The following UBE2QL1 variants were observed in gnomAD, a reference collection of about 807,000 sequenced individuals.
The protein encoded by UBE2QL1 is ubiquitin conjugating enzyme E2 QL1, also known as ubiquitin-conjugating enzyme E2Q-like protein 1.
Under a neutral mutation model 12.6 loss-of-function variants are expected in UBE2QL1, and 5 were observed. The observed-to-expected ratio is 0.40, with a 90% CI of 0.21 to 0.83. The LOEUF (loss-of-function observed/expected upper bound fraction) is 0.83, where lower values mean the gene tolerates loss of function less well. Ranked by LOEUF, UBE2QL1 falls within the 40% of genes least tolerant of loss-of-function variation. UBE2QL1 has a pLI of 0.37. For missense variants in UBE2QL1, 99 were observed against 222.6 expected (o/e 0.44, Z 3.53); for synonymous variants, 96 against 94.5 (o/e 1.02, Z -0.10).
At position 6,476,374 on chromosome 5, in the gene UBE2QL1, T is replaced by A. The variant is rs1335424377; in HGVS notation, c.355-14844T>A. Among the ~76,000 whole-genome samples, 1 of 152,214 alleles carries A rather than the reference T, an allele frequency of 6.6e-6. No individual in the cohort carries two copies. The highest frequency in any genetic ancestry group is 2.4e-5 in the African/African-American group (1 of 41,458). On this transcript the variant is annotated intron_variant, in intron 1 of 1. Coordinates refer to ENST00000399816, the MANE Select transcript of UBE2QL1 (RefSeq NM_001145161.3). This position sits in a 1 kb window ranked among gnomAD's most constrained non-coding sequence, Gnocchi z 4.9. ...TGGTTGTTAAAAGTTTTTCAGCACT[T>A]AAAGGTCTAATTTTCCCACGGGTGA...
intron 1 of UBE2QL1, among the ~76,000 whole-genome samples, chr5:6,480,521 T>C (rs1734338252): frequency 1.3e-5 from 2 of 152,194 alleles, no homozygotes; most frequent in South Asian, 2.1e-4. Context: ...AAAGTATAAG[T>C]ATTAGTGGGA....
chr5:6,465,056 G>A (rs963969052), intron 1 of UBE2QL1, among the ~76,000 whole-genome samples: 4 of 150,214 alleles, frequency 2.7e-5, no homozygotes, highest in Non-Finnish European at 5.9e-5. Context: ...GCACAATCTC[G>A]GCTCATTGCA....
chr5:6,488,812 A>AG (rs1734513168), intron 1 of UBE2QL1, among the ~76,000 whole-genome samples: 1 of 140,894 alleles, frequency 7.1e-6, no homozygotes, highest in African/African-American at 3.2e-5. Flanking sequence ...TCAAGAAAAA[A>AG]AAAAAGAAGA....
intron 1 of UBE2QL1, among the ~76,000 whole-genome samples, chr5:6,475,273 A>G (rs1734207702): frequency 1.3e-5 from 2 of 152,220 alleles, no homozygotes; most frequent in Admixed American, 6.5e-5. Context: ...GTCAATCAAA[A>G]GCAGTCCTTT....
At chr5:6,450,495 G>C (rs868685938) in intron 1 of UBE2QL1, among the ~76,000 whole-genome samples, 1 of 152,140 alleles carries the variant, frequency 6.6e-6, no homozygotes, top group Non-Finnish European at 1.5e-5. Context: ...TGCTGTGTGG[G>C]CATCTTTTAG....
At chr5:6,489,627 C>T (rs1004207137) in intron 1 of UBE2QL1, among the ~76,000 whole-genome samples, 1 of 152,082 alleles carries the variant, frequency 6.6e-6, no homozygotes, top group Non-Finnish European at 1.5e-5. Context: ...AGGTAGGCTC[C>T]GAATACAAGC....
At chr5:6,462,289 C>T (rs1739687471) in intron 1 of UBE2QL1, among the ~76,000 whole-genome samples, 1 of 152,142 alleles carries the variant, frequency 6.6e-6, no homozygotes, top group East Asian at 1.9e-4. Flanking sequence ...GGGGATCTGC[C>T]GGCAGCTGCA....
intron 1 of UBE2QL1, among the ~76,000 whole-genome samples, chr5:6,459,422 G>A (rs1048272720): frequency 2.6e-5 from 4 of 152,042 alleles, no homozygotes; most frequent in South Asian, 2.1e-4. Context: ...CTTGATGATC[G>A]GTCAAAGAGA....
intron 1 of UBE2QL1, among the ~76,000 whole-genome samples, chr5:6,465,981 C>A (rs1431186202): frequency 1.3e-5 from 2 of 152,054 alleles, no homozygotes; most frequent in East Asian, 3.9e-4. Context: ...GCCCAGGGGC[C>A]CCAGGCGACC....
intron 1 of UBE2QL1, among the ~76,000 whole-genome samples, chr5:6,461,644 T>G (rs1739668696): frequency 6.6e-6 from 1 of 151,168 alleles, no homozygotes. Flanking sequence ...CTGGGTGGTG[T>G]TGCCATAACT....
intron 1 of UBE2QL1, among the ~76,000 whole-genome samples, chr5:6,486,307 C>A (rs1219098793): frequency 6.7e-6 from 1 of 149,516 alleles, no homozygotes; most frequent in Admixed American, 6.6e-5. Context: ...AATACACACA[C>A]AAGCACACAC....
At chr5:6,452,002 A>G (rs963131547) in intron 1 of UBE2QL1, among the ~76,000 whole-genome samples, 5 of 152,302 alleles carry the variant, frequency 3.3e-5, no homozygotes, top group African/African-American at 1.2e-4. Flanking sequence ...ATGTTCTGAT[A>G]CTTCTCGGGA....
At position 6,493,001 on chromosome 5, in the gene UBE2QL1, C is replaced by A. The variant is rs571845919; in HGVS notation, c.*1652C>A. The A allele has an allele frequency of 6.6e-6, 1 of 152,380 alleles. No individual in the cohort carries two copies. The highest frequency in any genetic ancestry group is 2.1e-4 in the South Asian group (1 of 4,832). The allele number at this position is 152,380 out of a possible 1,614,324, so 9.4% of individuals were successfully genotyped here. On this transcript the variant is annotated 3_prime_UTR_variant, in exon 2 of 2. Transcript: ENST00000399816. The stretch of plus-strand genomic sequence containing the variant: ...ATTGGCGCCTTTCAGCAGGGCTGCC[C>A]ATTCACCAAACTTATTGTTACTTTT...
At chr5:6,465,146 A>G (rs989830027) in intron 1 of UBE2QL1, among the ~76,000 whole-genome samples, 5 of 151,954 alleles carry the variant, frequency 3.3e-5, no homozygotes, top group African/African-American at 1.2e-4. Flanking sequence ...GCCACCATGC[A>G]TGGCTAATTT....
In UBE2QL1 at chr5:6,491,523, G is replaced by A. The variant is rs1734569881; in HGVS notation, c.*174G>A. ...AAAGATGTGTGTACAGAGAGGAAGA[G>A]GGAGCAAATGCCGTTCGGATTATGT... On this transcript the variant is annotated 3_prime_UTR_variant, in exon 2 of 2. Transcript: ENST00000399816. 1.3e-6 allele frequency: 1 copy of A among 789,072 alleles called. No individual in the cohort carries two copies. The highest frequency in any genetic ancestry group is 1.8e-6 in the Non-Finnish European group (1 of 549,046). 48.9% of individuals were successfully genotyped at this position (789,072 alleles called of 1,614,324 possible). A position where few individuals can be genotyped will look rare whatever the true frequency, so the allele number is the denominator to read the frequency against.
At chr5:6,463,339 G>A (rs1739713621) in intron 1 of UBE2QL1, among the ~76,000 whole-genome samples, 1 of 152,138 alleles carries the variant, frequency 6.6e-6, no homozygotes, top group South Asian at 2.1e-4. Flanking sequence ...AAGAATTTGA[G>A]TTTGGAGGAT....
chr5:6,479,552 C>G lies in UBE2QL1; in HGVS notation c.355-11666C>G, dbSNP rs1047224370. Among the ~76,000 whole-genome samples, 1 of 152,142 alleles carries G rather than the reference C, an allele frequency of 6.6e-6. No individual in the cohort carries two copies. The highest frequency in any genetic ancestry group is 1.5e-5 in the Non-Finnish European group (1 of 68,024). On this transcript the variant is annotated intron_variant, in intron 1 of 1. Coordinates refer to ENST00000399816, the MANE Select transcript of UBE2QL1 (RefSeq NM_001145161.3). This position sits in a 1 kb window ranked among gnomAD's most constrained non-coding sequence, Gnocchi z 4.2. Reference sequence around the variant, plus strand: ...GAAGAGGTGCTGATGTCTGTATCCTCCGGTGAGTCTGTCCATCATAAAAAG... The same window carrying G: ...GAAGAGGTGCTGATGTCTGTATCCTGCGGTGAGTCTGTCCATCATAAAAAG...
At chr5:6,490,013 G>A (rs900086318) in intron 1 of UBE2QL1, among the ~76,000 whole-genome samples, 1 of 152,196 alleles carries the variant, frequency 6.6e-6, no homozygotes, top group African/African-American at 2.4e-5. Context: ...GTAATTATGC[G>A]CCTGCCAGTA....
chr5:6,474,862 A>G (rs1036190777), intron 1 of UBE2QL1, among the ~76,000 whole-genome samples: 2 of 152,172 alleles, frequency 1.3e-5, no homozygotes, highest in Non-Finnish European at 2.9e-5. Flanking sequence ...CTGGAGTCCC[A>G]CCAGGTCACA....
Sources: allele counts gnomAD v4.1 joint callset (sites outside exome capture counted in the v4.1 genomes callset), GRCh38; gene constraint gnomAD v4.1.1; non-coding constraint Gnocchi (gnomAD v3.1); transcripts MANE v1.5; gene names NCBI Gene and HGNC (gene_info 2026-07-23, HGNC 2026-07-21).